Variants in CNTN5 observed in about 807,000 individuals in gnomAD.
The protein encoded by CNTN5 is contactin 5.
CNTN5 carries 77 observed loss-of-function variants against 129.1 expected under a neutral mutation model. That is an observed-to-expected ratio of 0.60 (90% CI 0.50 to 0.72). The LOEUF (loss-of-function observed/expected upper bound fraction) is 0.72, where lower values mean the gene tolerates loss of function less well. Ranked by LOEUF, CNTN5 falls within the 30% of genes least tolerant of loss-of-function variation. The probability of loss-of-function intolerance (pLI) is 0.00; values close to 1 mark genes in which losing one functional copy is unlikely to be tolerated. For synonymous variants in CNTN5, 509 were observed against 465.6 expected (o/e 1.09, Z -1.20); for missense variants, 1,478 against 1,328.8 (o/e 1.11, Z -1.75).
At chr11:100,155,672 T>A (rs2138332286) in intron 13 of CNTN5, among the ~76,000 whole-genome samples, 1 of 152,318 alleles carries the variant, frequency 6.6e-6, no homozygotes. Flanking sequence ...TTTTTCCATT[T>A]GTTTGTGTCC....
At chr11:99,076,287 G>A (rs1358078432) in intron 1 of CNTN5, among the ~76,000 whole-genome samples, 1 of 151,984 alleles carries the variant, frequency 6.6e-6, no homozygotes, top group Non-Finnish European at 1.5e-5. Flanking sequence ...GTGAACCGAG[G>A]TTGCACCCAG....
intron 21 of CNTN5, among the ~76,000 whole-genome samples, chr11:100,338,570 G>A (rs1468525639): frequency 6.6e-6 from 1 of 152,208 alleles, no homozygotes; most frequent in African/African-American, 2.4e-5. Context: ...CCGCAGTAAT[G>A]CAGGATTTTT....
intron 3 of CNTN5, among the ~76,000 whole-genome samples, chr11:99,734,688 T>C (rs1004635775): frequency 6.8e-6 from 1 of 147,236 alleles, no homozygotes; most frequent in Non-Finnish European, 1.5e-5. Context: ...CCTATTTACA[T>C]TGTTGATTAT....
intron 1 of CNTN5, among the ~76,000 whole-genome samples, chr11:99,130,076 C>T (rs1301379014): frequency 1.8e-4 from 27 of 151,992 alleles, no homozygotes; most frequent in Admixed American, 1.7e-3. Context: ...ATTAACCAGC[C>T]AACATTATGA....
intron 2 of CNTN5, among the ~76,000 whole-genome samples, chr11:99,485,387 C>T (rs1164299158): frequency 2.6e-5 from 4 of 151,914 alleles, no homozygotes; most frequent in Non-Finnish European, 2.9e-5. Context: ...TCAAAAGCCA[C>T]AGAATGTACA....
intron 6 of CNTN5, among the ~76,000 whole-genome samples, chr11:99,857,292 T>A (rs1415152648): frequency 6.6e-6 from 1 of 152,326 alleles, no homozygotes; most frequent in Non-Finnish European, 1.5e-5. Context: ...ACCTCTAACA[T>A]GTAAGATCAT....
At chr11:99,631,977 C>G (rs1386189572) in intron 3 of CNTN5, among the ~76,000 whole-genome samples, 1 of 152,096 alleles carries the variant, frequency 6.6e-6, no homozygotes, top group Non-Finnish European at 1.5e-5. Context: ...TGACTTCTTA[C>G]TGTACCTAAC....
At chr11:100,004,230 T>C (rs1202068588) in intron 9 of CNTN5, among the ~76,000 whole-genome samples, 1 of 152,146 alleles carries the variant, frequency 6.6e-6, no homozygotes, top group Non-Finnish European at 1.5e-5. Flanking sequence ...GTTTTCCCCC[T>C]CACTGTGTCC....
chr11:99,101,225 C>T (rs1220886068), intron 1 of CNTN5, among the ~76,000 whole-genome samples: 2 of 152,296 alleles, frequency 1.3e-5, no homozygotes, highest in African/African-American at 4.8e-5. Context: ...TCAGTTATCT[C>T]TCACCAGTTT....
At chr11:99,466,627 A>G (rs1023207032) in intron 2 of CNTN5, among the ~76,000 whole-genome samples, 2 of 152,228 alleles carry the variant, frequency 1.3e-5, no homozygotes, top group East Asian at 3.9e-4. Context: ...ATGAAATTTA[A>G]TTGTTTTAAT....
chr11:99,814,560 G>A (rs1040182609), intron 3 of CNTN5, among the ~76,000 whole-genome samples: 2 of 151,190 alleles, frequency 1.3e-5, no homozygotes, highest in Non-Finnish European at 1.5e-5. Context: ...AATTAGCAGG[G>A]GAGAGAGTTA....
intron 3 of CNTN5, among the ~76,000 whole-genome samples, chr11:99,753,446 C>T (rs1322395936): frequency 6.6e-6 from 1 of 151,296 alleles, no homozygotes; most frequent in African/African-American, 2.4e-5. Context: ...ATAGTTTTCA[C>T]CCTAAACACT....
chr11:99,238,782 A>T lies in CNTN5; in HGVS notation c.-209-86564A>T, dbSNP rs539445138. On this transcript the variant is annotated intron_variant, in intron 1 of 24. Transcript: ENST00000524871. Reference sequence around the variant, plus strand: ...AGTGCATGATCTGCATCTCAGATGAACTTTATGCAATTATCAAATAGATGG... The same window carrying T: ...AGTGCATGATCTGCATCTCAGATGATCTTTATGCAATTATCAAATAGATGG... 3.3e-5 allele frequency among the ~76,000 whole-genome samples: 5 copies of T among 152,272 alleles called. No homozygotes were observed. In the South Asian group the frequency reaches 8.3e-4, roughly 25 times the overall value.
At chr11:99,792,262 G>A (rs1945771943) in intron 3 of CNTN5, among the ~76,000 whole-genome samples, 1 of 152,070 alleles carries the variant, frequency 6.6e-6, no homozygotes, top group South Asian at 2.1e-4. Context: ...TTATTTTGAA[G>A]TATGTTTCTT....
At chr11:99,990,449 T>TACACACACACAC (rs1241963020) in intron 8 of CNTN5, among the ~76,000 whole-genome samples, 40 of 75,772 alleles carry the variant, frequency 5.3e-4, no homozygotes, top group African/African-American at 1.7e-3. Context: ...TTAGAATATA[T>TACACACACACAC]ATATATACAC....
intron 3 of CNTN5, among the ~76,000 whole-genome samples, chr11:99,598,514 C>T (rs1237095310): frequency 6.7e-6 from 1 of 148,524 alleles, no homozygotes; most frequent in African/African-American, 2.5e-5. Context: ...CTCTTTGTCC[C>T]TTTCTTTCAT....
chr11:100,210,040 TAAA>T (rs35416777), intron 15 of CNTN5, among the ~76,000 whole-genome samples: 1 of 151,436 alleles, frequency 6.6e-6, no homozygotes, highest in Non-Finnish European at 1.5e-5. Context: ...TAGTAGAGGT[TAAA>T]AAAATAGTCC....
intron 7 of CNTN5, among the ~76,000 whole-genome samples, chr11:99,938,270 C>G (rs1950359353): frequency 1.3e-5 from 2 of 151,960 alleles, no homozygotes; most frequent in African/African-American, 4.8e-5. Flanking sequence ...ATGTCTTGTA[C>G]AGGAAACAAA....
intron 3 of CNTN5, among the ~76,000 whole-genome samples, chr11:99,585,702 T>C: frequency 6.6e-6 from 1 of 152,282 alleles, no homozygotes; most frequent in East Asian, 1.9e-4. Context: ...TGAGAACAAC[T>C]ACTTTAGCAC....
Sources: gnomAD v4.1 joint callset for allele counts (sites outside exome capture counted in the v4.1 genomes callset) on GRCh38, gnomAD v4.1.1 for gene constraint, MANE v1.5 for transcripts, NCBI Gene and HGNC (gene_info 2026-07-23, HGNC 2026-07-21) for gene names.